Variants in TSC22D1 observed in about 807,000 individuals in gnomAD.
TSC22D1 encodes TSC22 domain family protein 1.
TSC22D1 carries 9 observed loss-of-function variants against 74.2 expected under a neutral mutation model. That is an observed-to-expected ratio of 0.12 (90% CI 0.07 to 0.21). TSC22D1 has a LOEUF of 0.21. TSC22D1 is among the 10% of genes least tolerant of loss of function. The pLI is 1.00. For synonymous variants in TSC22D1, 586 were observed against 492.5 expected (o/e 1.19, Z -2.51); for missense variants, 1,427 against 1,304.7 (o/e 1.09, Z -1.44).
intron 1 of TSC22D1, among the ~76,000 whole-genome samples, chr13:44,463,708 A>C (rs1395331253): frequency 1.3e-5 from 2 of 152,248 alleles, no homozygotes; most frequent in African/African-American, 4.8e-5. Flanking sequence ...ATAATAAAGA[A>C]GAAAAGGTTT....
At chr13:44,517,927 C>T (rs1215517856) in intron 1 of TSC22D1, among the ~76,000 whole-genome samples, 4 of 135,302 alleles carry the variant, frequency 3.0e-5, no homozygotes, top group African/African-American at 1.1e-4. Context: ...AGGATCACAG[C>T]TCACTGCAGA....
intron 1 of TSC22D1, among the ~76,000 whole-genome samples, chr13:44,547,377 G>GATT (rs1881894088): frequency 6.6e-6 from 1 of 152,080 alleles, no homozygotes; most frequent in Non-Finnish European, 1.5e-5. Flanking sequence ...TAATTCAGAA[G>GATT]ATAATATGTG....
At chr13:44,458,723 G>A (rs1427948366) in intron 1 of TSC22D1, among the ~76,000 whole-genome samples, 1 of 152,212 alleles carries the variant, frequency 6.6e-6, no homozygotes, top group Admixed American at 6.5e-5. Flanking sequence ...TGCCCGCTCT[G>A]ATTTTGCAGC....
chr13:44,545,687 AAAG>A (rs1173711115), intron 1 of TSC22D1, among the ~76,000 whole-genome samples: 1 of 152,022 alleles, frequency 6.6e-6, no homozygotes, highest in African/African-American at 2.4e-5. Context: ...AGAAAACATG[AAAG>A]ACCAGGCCAG....
intron 1 of TSC22D1, among the ~76,000 whole-genome samples, chr13:44,498,360 T>C (rs899282246): frequency 6.6e-6 from 1 of 152,082 alleles, no homozygotes; most frequent in Non-Finnish European, 1.5e-5. Flanking sequence ...GCTGTTTAAT[T>C]AAGTTCTCTA....
At position 44,510,486 on chromosome 13, in the gene TSC22D1, T is replaced by A. The variant is rs887044011; in HGVS notation, c.2912+62677A>T. Among the ~76,000 whole-genome samples the A allele has an allele frequency of 8.1e-4, 124 of 152,296 alleles. 1 individual carries two copies. Among genetic ancestry groups the A allele is most frequent in the African/African-American group, 2.8e-3 (118 of 41,568 alleles). ...AAATAATCCTAAGTGTCTAAAAAGA[T>A]TAATGCACAAATATGAATGTTCTTC... On this transcript the variant is annotated intron_variant, in intron 1 of 2. Transcript: ENST00000458659.
At chr13:44,455,632 C>G (rs1447467156) in intron 1 of TSC22D1, among the ~76,000 whole-genome samples, 1 of 152,184 alleles carries the variant, frequency 6.6e-6, no homozygotes, top group Non-Finnish European at 1.5e-5. Flanking sequence ...AATCATCTGT[C>G]TACAAAATTT....
chr13:44,449,615 T>C (rs781646785), intron 1 of TSC22D1, among the ~76,000 whole-genome samples: 9 of 152,108 alleles, frequency 5.9e-5, no homozygotes, highest in Non-Finnish European at 1.3e-4. Context: ...TTCCATATCA[T>C]CTTAGTGTGA....
chr13:44,528,367 T>C (rs1313665656), intron 1 of TSC22D1, among the ~76,000 whole-genome samples: 1 of 151,840 alleles, frequency 6.6e-6, no homozygotes, highest in Non-Finnish European at 1.5e-5. Context: ...AAACTAAAAA[T>C]CAATAACACA....
At chr13:44,543,656 C>A (rs141080917) in intron 1 of TSC22D1, among the ~76,000 whole-genome samples, 2 of 152,020 alleles carry the variant, frequency 1.3e-5, no homozygotes, top group Admixed American at 6.6e-5. Context: ...GCTTGGCACA[C>A]GGAATAGGTA....
chr13:44,552,501 G>C (rs540561225), intron 1 of TSC22D1, among the ~76,000 whole-genome samples: 1 of 152,128 alleles, frequency 6.6e-6, no homozygotes, highest in African/African-American at 2.4e-5. Context: ...CTACCACATA[G>C]AAAGTCTATT....
intron 1 of TSC22D1, among the ~76,000 whole-genome samples, chr13:44,525,862 A>T (rs1880524040): frequency 6.6e-6 from 1 of 151,190 alleles, no homozygotes; most frequent in East Asian, 1.9e-4. Flanking sequence ...GCATTTTGGG[A>T]GGCTAAGGTG....
At position 44,493,215 on chromosome 13, in the gene TSC22D1, A is replaced by G. The variant is rs934540918; in HGVS notation, c.2913-57120T>C. Among the ~76,000 whole-genome samples, 5 of 152,316 alleles carry G rather than the reference A, an allele frequency of 3.3e-5. No individual in the cohort carries two copies. The South Asian group carries it at 6.2e-4, about 19-fold the overall frequency. On this transcript the variant is annotated intron_variant, in intron 1 of 2. Coordinates refer to ENST00000458659, the MANE Select transcript of TSC22D1 (RefSeq NM_183422.4). ...GGCATTTTTACTTGCCCTTGCCCCAATGCCCTCCCTGATTTAGTGACAATC... is the reference window on the plus strand; with the variant it reads ...GGCATTTTTACTTGCCCTTGCCCCAGTGCCCTCCCTGATTTAGTGACAATC...
intron 1 of TSC22D1, among the ~76,000 whole-genome samples, chr13:44,488,669 A>C (rs1241672259): frequency 6.6e-6 from 1 of 152,232 alleles, no homozygotes; most frequent in Non-Finnish European, 1.5e-5. Flanking sequence ...AGAATCAATA[A>C]GAAGGTTTAG....
chr13:44,507,795 A>C (rs1406394427), intron 1 of TSC22D1, among the ~76,000 whole-genome samples: 4 of 152,156 alleles, frequency 2.6e-5, no homozygotes, highest in East Asian at 1.9e-4. Flanking sequence ...GTTTGCATTC[A>C]TTCTCCCGAA....
In TSC22D1 at chr13:44,575,006, T is replaced by C. The variant is rs1441898948; in HGVS notation, c.1069A>G (p.Ser357Gly). Residue 357 changes from serine to glycine, a missense_variant, in exon 1 of 3, where the codon AGT (serine) becomes GGT (glycine). This residue lies in a region of TSC22D1 where 1,343 missense variants were observed against 1,191.5 expected (regional missense o/e 1.13). Transcript: ENST00000458659. ...CTCAAGATATTCACATTAACACCACTGGTAACTCCAGGCCCAACACTCACA... is the reference window on the plus strand; with the variant it reads ...CTCAAGATATTCACATTAACACCACCGGTAACTCCAGGCCCAACACTCACA... ...AGVSVGPGVT[S>G]GVNVNILSGM... 4 of 1,614,008 alleles carry C rather than the reference T, an allele frequency of 2.5e-6. No individual in the cohort carries two copies. The highest frequency in any genetic ancestry group is 1.7e-5 in the Admixed American group (1 of 60,012).
intron 1 of TSC22D1, chr13:44,437,366 G>C (rs55915855): frequency 0.032 from 18,181 of 567,810 alleles, 356 homozygotes; most frequent in Middle Eastern, 0.071. Flanking sequence ...TTTATAGACG[G>C]TTTTATTTTT....
intron 1 of TSC22D1, among the ~76,000 whole-genome samples, chr13:44,454,737 CCATT>C (rs1595089655): frequency 6.6e-6 from 1 of 152,136 alleles, no homozygotes; most frequent in East Asian, 1.9e-4. Flanking sequence ...CATCTAGGTA[CCATT>C]ATTATTCCCA....
At chr13:44,446,802 AAAGGAGGAGGAAGAG>A (rs1367462634) in intron 1 of TSC22D1, among the ~76,000 whole-genome samples, 2 of 125,140 alleles carry the variant, frequency 1.6e-5, no homozygotes, top group African/African-American at 3.2e-5. Context: ...AGGAGGAGGA[AAAGGAGGAGGAAGAG>A]GAGGAGGAAG....
Sources: allele counts gnomAD v4.1 joint callset (sites outside exome capture counted in the v4.1 genomes callset), GRCh38; gene constraint gnomAD v4.1.1; regional missense constraint gnomAD v4.1.1; transcripts MANE v1.5; gene names NCBI Gene and HGNC (gene_info 2026-07-23, HGNC 2026-07-21).